THSD7B: variants seen among roughly 807,000 people sequenced by gnomAD.
THSD7B encodes the protein thrombospondin type 1 domain containing 7B, also known as thrombospondin type-1 domain-containing protein 7B.
THSD7B carries 138 observed loss-of-function variants against 213.6 expected under a neutral mutation model. That is an observed-to-expected ratio of 0.65 (90% CI 0.56 to 0.74). The LOEUF (loss-of-function observed/expected upper bound fraction) is 0.74, where lower values mean the gene tolerates loss of function less well. THSD7B is among the 30% of genes least tolerant of loss of function. The pLI is 0.00. For missense variants in THSD7B, 1,931 were observed against 1,991.5 expected (o/e 0.97, Z 0.58); for synonymous variants, 742 against 687.0 (o/e 1.08, Z -1.25).
At position 137,056,849 on chromosome 2, in the gene THSD7B, A is replaced by G. The variant is rs747283582; in HGVS notation, c.569A>G (p.Asn190Ser). Residue 190 changes from asparagine to serine, a missense_variant, in exon 3 of 28, where the codon AAC becomes AGC. By Grantham distance (46) the Asn-to-Ser change is conservative. Transcript: ENST00000409968. ...CVVSEFLPWS[N>S]CSKGCGKKLQ... ...GTATCTGAGTTCTTACCATGGTCCA[A>G]CTGTAGCAAGGGATGTGGGAAGAAA... 1.2e-6 allele frequency: 2 copies of G among 1,613,946 alleles called. No individual in the cohort carries two copies. Among genetic ancestry groups the G allele is most frequent in the South Asian group, 1.1e-5 (1 of 91,080 alleles).
chr2:137,234,544 G>A (rs552909358), intron 9 of THSD7B, among the ~76,000 whole-genome samples: 1 of 152,280 alleles, frequency 6.6e-6, no homozygotes, highest in Admixed American at 6.5e-5. Flanking sequence ...GTATTTGCAA[G>A]TCGTACTGTG....
chr2:136,813,791 G>T (rs1400562100), intron 1 of THSD7B, among the ~76,000 whole-genome samples: 1 of 152,112 alleles, frequency 6.6e-6, no homozygotes, highest in Non-Finnish European at 1.5e-5. Context: ...TTATTTCTCT[G>T]CTTGTGACTC....
chr2:137,119,371 A>T (rs1009281856), intron 5 of THSD7B, among the ~76,000 whole-genome samples: 1 of 152,210 alleles, frequency 6.6e-6, no homozygotes, highest in Non-Finnish European at 1.5e-5. Flanking sequence ...TTTAGTTGTA[A>T]TAATAATTGA....
intron 2 of THSD7B, among the ~76,000 whole-genome samples, chr2:137,022,209 G>T (rs181803445): frequency 1.3e-5 from 2 of 152,176 alleles, no homozygotes; most frequent in African/African-American, 4.8e-5. Context: ...AATGCCCAAG[G>T]GTGCAATTAG....
At chr2:137,009,528 A>G (rs1258834230) in intron 2 of THSD7B, among the ~76,000 whole-genome samples, 2 of 152,190 alleles carry the variant, frequency 1.3e-5, no homozygotes, top group East Asian at 3.9e-4. Flanking sequence ...ATAAAGAAAT[A>G]GAGGTTTAAT....
chr2:136,877,955 T>C (rs1328483778), intron 1 of THSD7B, among the ~76,000 whole-genome samples: 4 of 152,078 alleles, frequency 2.6e-5, no homozygotes, highest in Non-Finnish European at 5.9e-5. Context: ...AGTTTTAGGG[T>C]ACATGTGCAC....
At chr2:137,426,333 A>G (rs570529459) in intron 14 of THSD7B, among the ~76,000 whole-genome samples, 4 of 152,270 alleles carry the variant, frequency 2.6e-5, no homozygotes, top group East Asian at 1.9e-4. Flanking sequence ...AAAAAATCCT[A>G]CAATTCATAT....
intron 2 of THSD7B, among the ~76,000 whole-genome samples, chr2:136,999,025 T>C (rs1416114344): frequency 9.9e-5 from 15 of 151,980 alleles, no homozygotes; most frequent in Admixed American, 9.8e-4. Context: ...CACCTCCTTG[T>C]TGAAGTCTTA....
chr2:137,413,805 T>C (rs1202283466), intron 14 of THSD7B, among the ~76,000 whole-genome samples: 1 of 152,144 alleles, frequency 6.6e-6, no homozygotes, highest in Non-Finnish European at 1.5e-5. Context: ...TTAGAGATTT[T>C]AAAGATCACT....
At chr2:136,836,808 C>A (rs140405499) in intron 1 of THSD7B, among the ~76,000 whole-genome samples, 2 of 152,226 alleles carry the variant, frequency 1.3e-5, no homozygotes, top group African/African-American at 4.8e-5. Flanking sequence ...TGTCTAAAGT[C>A]ATCTCAAAAC....
At chr2:136,993,809 C>T (rs62170858) in intron 2 of THSD7B, among the ~76,000 whole-genome samples, 15,670 of 151,554 alleles carry the variant, frequency 0.1, 1,039 homozygotes, top group East Asian at 0.16. Flanking sequence ...GACCCATGGC[C>T]AAAGGTGGGG....
At chr2:136,998,410 A>C (rs1212542727) in intron 2 of THSD7B, among the ~76,000 whole-genome samples, 1 of 152,118 alleles carries the variant, frequency 6.6e-6, no homozygotes, top group Non-Finnish European at 1.5e-5. Context: ...TATAAATTTC[A>C]ACCCACTACT....
chr2:137,642,524 C>T lies in THSD7B; in HGVS notation c.3836C>T (p.Thr1279Ile). ...CGGACTCGATTTATCATTATGCCAA[C>T]CCAAGGAGAAGGACGGCCATGCCCC... ...MSRTRFIIMP[T>I]QGEGRPCPTE... Residue 1279 changes from threonine to isoleucine, a missense_variant, in exon 21 of 28, where the codon ACC becomes ATC. Thr to Ile is a moderately conservative substitution (Grantham distance 89, BLOSUM62 -1). Transcript: ENST00000409968. 6.2e-7 allele frequency: 1 copy of T among 1,613,880 alleles called. No individual in the cohort carries two copies. The highest frequency in any genetic ancestry group is 1.3e-5 in the African/African-American group (1 of 75,010).
intron 5 of THSD7B, among the ~76,000 whole-genome samples, chr2:137,128,475 A>G (rs1176250726): frequency 2.0e-5 from 3 of 152,198 alleles, no homozygotes; most frequent in Non-Finnish European, 4.4e-5. Context: ...GAAGATTCTG[A>G]TTTAATGAAT....
At chr2:137,225,093 T>A (rs12691909) in intron 7 of THSD7B, among the ~76,000 whole-genome samples, 1 of 151,968 alleles carries the variant, frequency 6.6e-6, no homozygotes, top group Non-Finnish European at 1.5e-5. Flanking sequence ...TTTGTGAGCA[T>A]CTTTACATCA....
intron 20 of THSD7B, among the ~76,000 whole-genome samples, chr2:137,641,587 G>A (rs945913370): frequency 2.0e-5 from 3 of 152,200 alleles, no homozygotes; most frequent in East Asian, 3.8e-4. Flanking sequence ...GTAGGAAAGA[G>A]AGAGTGAGAG....
chr2:137,670,688 A>C (rs1353825902), intron 27 of THSD7B, among the ~76,000 whole-genome samples: 6 of 152,048 alleles, frequency 3.9e-5, no homozygotes, highest in African/African-American at 1.4e-4. Flanking sequence ...TTGGGAGGCC[A>C]AGGCGGGCGG....
rs138732637 is a variant in THSD7B, at chr2:137,347,081, C to T, written c.2501-58532C>T. ...TCCAATATCCCCACATCCTCACCAA[C>T]GCTTACTATTTTCCACAAAGCCTAA... On this transcript the variant is annotated intron_variant, in intron 12 of 27. Transcript: ENST00000409968. Among the ~76,000 whole-genome samples the T allele has an allele frequency of 4.7e-4, 72 of 151,842 alleles. No homozygotes were observed. The East Asian group carries it at 5.8e-3, about 12-fold the overall frequency.
intron 2 of THSD7B, among the ~76,000 whole-genome samples, chr2:136,994,686 A>G (rs1240397964): frequency 1.3e-5 from 2 of 152,222 alleles, no homozygotes; most frequent in East Asian, 3.8e-4. Flanking sequence ...AAACTATTTT[A>G]GAGAAGGGAA....
Sources: allele counts gnomAD v4.1 joint callset (sites outside exome capture counted in the v4.1 genomes callset), GRCh38; gene constraint gnomAD v4.1.1; transcripts MANE v1.5; gene names NCBI Gene and HGNC (gene_info 2026-07-23, HGNC 2026-07-21).